LZTR1: variants seen among roughly 807,000 people sequenced by gnomAD.
The protein encoded by LZTR1 is leucine-zipper-like transcriptional regulator 1.
Under a neutral mutation model 105.7 loss-of-function variants are expected in LZTR1, and 260 were observed. The ratio of observed to expected loss-of-function variants is 2.46; its 90% CI spans 2.22 to 2.72. The LOEUF (loss-of-function observed/expected upper bound fraction) is 2.72, where lower values mean the gene tolerates loss of function less well. Among genes scored for constraint, LZTR1 ranks in the 30% most tolerant of loss-of-function variants. The pLI is 0.00. For missense variants in LZTR1, 1,214 were observed against 1,166.9 expected (o/e 1.04, Z -0.59); for synonymous variants, 490 against 476.4 (o/e 1.03, Z -0.37).
In LZTR1 at chr22:20,991,676, C is replaced by A; in HGVS notation, c.840C>A (p.Pro280=). 6.2e-7 allele frequency: 1 copy of A among 1,603,880 alleles called. No individual in the cohort carries two copies. ...TEHLLRGSPP[P]PQRRYGHTMV... ...ACCTGCTCCGGGGCTCCCCACCACC[C>A]CCGCAGCGGCGCTACGGGCATACCA... Residue 280 remains proline (P), a synonymous_variant, in exon 9 of 21, where the codon CCC becomes CCA. Coordinates refer to ENST00000646124, the MANE Select transcript of LZTR1 (RefSeq NM_006767.4).
chr22:20,994,700 C>A lies in LZTR1; in HGVS notation c.1758C>A (p.Ala586=). The change falls in exon 15 of 21, where the codon GCC becomes GCA. Residue 586 remains alanine, a synonymous_variant. Transcript: ENST00000646124. The part of the protein sequence containing the change: ...LQNVLVVCES[A]ARLQLSQLKE... ...ACGTGCTGGTTGTGTGCGAGAGTGC[C>A]GCCCGGCTGCAGCTGAGCCAACTCA... 1 of 1,612,362 alleles carries A rather than the reference C, an allele frequency of 6.2e-7. No individual in the cohort carries two copies. The highest frequency in any genetic ancestry group is 8.5e-7 in the Non-Finnish European group (1 of 1,179,958).
chr22:20,995,588 G>C, intron 16 of LZTR1, 158 bp from the exon 17 acceptor site: 1 of 890,436 alleles, frequency 1.1e-6, no homozygotes, highest in East Asian at 2.4e-5. Flanking sequence ...AGGGAGGACA[G>C]AATGTGGCTG....
chr22:20,982,321 C>A lies in LZTR1; in HGVS notation c.-51C>A. On this transcript the variant is annotated 5_prime_UTR_variant, in exon 1 of 21. Transcript: ENST00000646124. ...TGTGGTTTCTCCAGCCGGCCCGGGGCGGTGGCCGCAAGTTGGGCTTACAGC... is the reference window on the plus strand; with the variant it reads ...TGTGGTTTCTCCAGCCGGCCCGGGGAGGTGGCCGCAAGTTGGGCTTACAGC... 7.2e-7 allele frequency: 1 copy of A among 1,397,152 alleles called. No individual in the cohort carries two copies. The highest frequency in any genetic ancestry group is 9.7e-7 in the Non-Finnish European group (1 of 1,031,430). 86.5% of individuals were successfully genotyped at this position (1,397,152 alleles called of 1,614,324 possible).
At chr22:20,986,404 A>AGATG (rs1924383048) in intron 3 of LZTR1, 1 of 151,728 alleles carries the variant, frequency 6.6e-6, no homozygotes, top group Admixed American at 6.6e-5. Context: ...ATAGATAGAT[A>AGATG]GATAGATAGA....
chr22:20,987,947 C>T, intron 4 of LZTR1, 63 bp from the exon 5 acceptor site: 1 of 1,003,920 alleles, frequency 1.0e-6, no homozygotes, highest in Non-Finnish European at 1.6e-6. Flanking sequence ...GCTCCACCTT[C>T]CAGGGTTTGA....
chr22:20,987,526 C>G lies in LZTR1; in HGVS notation c.343C>G (p.Pro115Ala), dbSNP rs1370668324. ...WCRAFTTGTP[P>A]APRYHHSAVV... is the part of the protein sequence containing the mutation. ...CAGGGCCTTTACCACTGGGACCCCA[C>G]CGGCCCCCCGTTACCACCACTCGGC... Residue 115 changes from proline to alanine, a missense_variant, in exon 4 of 21, where the codon CCG (proline) becomes GCG (alanine). Coordinates refer to ENST00000646124, the MANE Select transcript of LZTR1 (RefSeq NM_006767.4). 6.2e-7 allele frequency: 1 copy of G among 1,613,868 alleles called. No homozygotes were observed. Among genetic ancestry groups the G allele is most frequent in the Non-Finnish European group, 8.5e-7 (1 of 1,179,878 alleles).
intron 6 of LZTR1, 24 bp from the exon 7 acceptor site, chr22:20,989,601 C>T: frequency 6.2e-7 from 1 of 1,608,264 alleles, no homozygotes; most frequent in South Asian, 1.1e-5. Context: ...CCCAAGGGGT[C>T]CTCACTGGTC....
intron 2 of LZTR1, among the ~76,000 whole-genome samples, 178 bp from the exon 3 acceptor site, chr22:20,985,663 G>T (rs1473796717): frequency 6.6e-6 from 1 of 152,176 alleles, no homozygotes; most frequent in African/African-American, 2.4e-5. Flanking sequence ...ATATCAGTTG[G>T]GGAGCCTCCT....
At chr22:20,996,363 G>A (rs1924845308) in intron 18 of LZTR1, 3 of 597,902 alleles carry the variant, frequency 5.0e-6, no homozygotes, top group Non-Finnish European at 8.9e-6. Flanking sequence ...GGACGGGGTG[G>A]GTCATTGCTT....
chr22:20,992,645 C>G (rs1924646754), intron 10 of LZTR1, 149 bp from the exon 11 acceptor site: 1 of 641,378 alleles, frequency 1.6e-6, no homozygotes, highest in African/African-American at 1.8e-5. Flanking sequence ...CCACCTGTGT[C>G]TGTACCCAGG....
At position 20,987,538 on chromosome 22, in the gene LZTR1, T is replaced by TA; in HGVS notation, c.356dup (p.Tyr119Ter). 6.2e-7 allele frequency: 1 copy of TA among 1,614,136 alleles called. No individual in the cohort carries two copies. Among genetic ancestry groups the TA allele is most frequent in the African/African-American group, 1.3e-5 (1 of 75,054 alleles). ...FTTGTPPAPR[Y>*]HHSAVVYGSS... ...CACTGGGACCCCACCGGCCCCCCGT[T>TA]ACCACCACTCGGCCGTCGTCTATGG... The change falls in exon 4 of 21, where the codon TAC (tyrosine) becomes TAAC (stop). Residue 119 changes from tyrosine (Y) to a stop codon, truncating the protein, a stop_gained and frameshift_variant. Coordinates refer to ENST00000646124, the MANE Select transcript of LZTR1 (RefSeq NM_006767.4). LOFTEE classifies it high-confidence loss of function.
Position 20,997,050 on chromosome 22 carries a change from G to A in LZTR1, c.2406+84G>A, listed in dbSNP as rs780795726. 7 of 1,410,898 alleles carry A rather than the reference G, an allele frequency of 5.0e-6. No homozygotes were observed. The African/African-American group carries it at 9.9e-5, about 20-fold the overall frequency. 87.4% of individuals were successfully genotyped at this position (1,410,898 alleles called of 1,614,324 possible). On this transcript the variant is annotated intron_variant, in intron 20 of 20. Transcript: ENST00000646124. ...GCAGGGAGGGTGCCCAGGCTCTGTGGTCCCCTGCAGTGGTGGGCCCTGGGG... is the reference window on the plus strand; with the variant it reads ...GCAGGGAGGGTGCCCAGGCTCTGTGATCCCCTGCAGTGGTGGGCCCTGGGG...
intron 2 of LZTR1, among the ~76,000 whole-genome samples, chr22:20,984,615 G>GA (rs1555927181): frequency 2.9e-5 from 1 of 35,034 alleles, no homozygotes; most frequent in Non-Finnish European, 1.1e-4. Flanking sequence ...AAGTAAGGAG[G>GA]GGGGGGGGGC....
rs933950047 is a variant in LZTR1 at position 20,997,462 on chromosome 22, G to A, written c.*114G>A. Reference sequence around the variant, plus strand: ...GCAGTGGGTGCACCTGCCAGGCCAAGGGTCAGGGTGCCCAGAGCCTCCAAA... The same window carrying A: ...GCAGTGGGTGCACCTGCCAGGCCAAAGGTCAGGGTGCCCAGAGCCTCCAAA... On this transcript the variant is annotated 3_prime_UTR_variant, in exon 21 of 21. Transcript: ENST00000646124. The A allele has an allele frequency of 1.3e-5, 11 of 818,404 alleles. No homozygotes were observed. The highest frequency in any genetic ancestry group is 2.7e-4 in the Middle Eastern group (1 of 3,648). 50.7% of individuals were successfully genotyped at this position (818,404 alleles called of 1,614,324 possible). A position where few individuals can be genotyped will look rare whatever the true frequency, so the allele number is the denominator to read the frequency against.
At chr22:20,992,441 A>G in intron 10 of LZTR1, 72 bp downstream of exon 10, 1 of 1,454,006 alleles carries the variant, frequency 6.9e-7, no homozygotes, top group South Asian at 1.3e-5. Flanking sequence ...CCTCTCACAC[A>G]TGGGGAGACT....
At chr22:20,983,293 A>G (rs975559814) in intron 2 of LZTR1, among the ~76,000 whole-genome samples, 3 of 152,206 alleles carry the variant, frequency 2.0e-5, no homozygotes, top group Non-Finnish European at 4.4e-5. Flanking sequence ...GGTCCTCAGC[A>G]CAGCTTCCAG....
chr22:20,996,188 C>T (rs182743004), intron 18 of LZTR1, 76 bp downstream of exon 18: 32 of 1,497,908 alleles, frequency 2.1e-5, no homozygotes, highest in East Asian at 4.5e-5. Flanking sequence ...CTTTGAGGCC[C>T]GCTCTCCTGC....
At chr22:20,991,433 G>A in intron 8 of LZTR1, 195 bp from the exon 9 acceptor site, 1 of 585,052 alleles carries the variant, frequency 1.7e-6, no homozygotes, top group Non-Finnish European at 3.0e-6. Flanking sequence ...GCCACATGGA[G>A]CCAGGCAGGG....
chr22:20,982,648 C>T (rs1318851871), intron 1 of LZTR1, 77 bp downstream of exon 1: 1 of 1,433,662 alleles, frequency 7.0e-7, no homozygotes, highest in Non-Finnish European at 9.6e-7. Context: ...AGGGGCGAAG[C>T]CGGGGGGTGG....
Sources: gnomAD v4.1 joint callset for allele counts (sites outside exome capture counted in the v4.1 genomes callset) on GRCh38, gnomAD v4.1.1 for gene constraint, MANE v1.5 for transcripts, NCBI Gene and HGNC (gene_info 2026-07-23, HGNC 2026-07-21) for gene names.